DPPA2: variants seen among roughly 807,000 people sequenced by gnomAD.
The protein encoded by DPPA2 is developmental pluripotency-associated protein 2.
In DPPA2, 26 loss-of-function variants were observed where a neutral mutation model predicts 36.2. That is an observed-to-expected ratio of 0.72 (90% CI 0.53 to 1.00). The LOEUF (loss-of-function observed/expected upper bound fraction) is 1.00, where lower values mean the gene tolerates loss of function less well. DPPA2 is among the 50% of genes least tolerant of loss of function. The pLI, the probability that DPPA2 is intolerant of heterozygous loss-of-function variation, is 0.00. For missense variants in DPPA2, 361 were observed against 365.1 expected (o/e 0.99, Z 0.09); for synonymous variants, 113 against 123.2 (o/e 0.92, Z 0.55).
chr3:109,316,498 C>T lies in DPPA2; in HGVS notation c.-228G>A, dbSNP rs951043016. 3 of 152,256 alleles carry T rather than the reference C, an allele frequency of 2.0e-5. No homozygotes were observed. The highest frequency in any genetic ancestry group is 7.2e-5 in the African/African-American group (3 of 41,442). The allele number at this position is 152,256 out of a possible 1,614,324, so 9.4% of individuals were successfully genotyped here. A position where few individuals can be genotyped will look rare whatever the true frequency, so the allele number is the denominator to read the frequency against. On this transcript the variant is annotated 5_prime_UTR_variant, in exon 1 of 9. The change abolishes the stop of an existing upstream ORF in the 5' untranslated region. Transcript: ENST00000478945. The stretch of plus-strand genomic sequence containing the variant: ...TGAAGTCTAGAAGCCTTAGCTAGAT[C>T]AGGCCATAAACAAAGGGCTTTGGAG...
chr3:109,294,998 A>G, intron 8 of DPPA2, among the ~76,000 whole-genome samples: 1 of 152,048 alleles, frequency 6.6e-6, no homozygotes, highest in East Asian at 1.9e-4. Context: ...TCCAGCCTGG[A>G]CAACAAGAGC....
chr3:109,304,742 TC>T, intron 6 of DPPA2, 72 bp from the exon 7 acceptor site: 1 of 1,458,718 alleles, frequency 6.9e-7, no homozygotes, highest in South Asian at 1.4e-5. Context: ...AGCAAGTCAC[TC>T]TTGAATTTGC....
chr3:109,297,022 G>T (rs946346767), intron 8 of DPPA2, among the ~76,000 whole-genome samples: 2 of 152,146 alleles, frequency 1.3e-5, no homozygotes, highest in African/African-American at 4.8e-5. Flanking sequence ...AGAAGGTCAA[G>T]GCTGCAGTGC....
Position 109,297,887 on chromosome 3 carries a change from G to A in DPPA2, c.*22+2484C>T, listed in dbSNP as rs554988418. 2.0e-5 allele frequency among the ~76,000 whole-genome samples: 3 copies of A among 152,254 alleles called. No individual in the cohort carries two copies. The East Asian group carries it at 5.8e-4, about 30-fold the overall frequency. On this transcript the variant is annotated intron_variant, in intron 8 of 8. Transcript: ENST00000478945. The stretch of plus-strand genomic sequence containing the variant: ...TTTGGGAGGCTAAGGCAGAAGGACA[G>A]CTTGAGGCCAGAAGTTTGAGACCAA...
chr3:109,306,763 C>G (rs534784410), intron 6 of DPPA2, among the ~76,000 whole-genome samples: 1 of 150,760 alleles, frequency 6.6e-6, no homozygotes, highest in South Asian at 2.1e-4. Flanking sequence ...GTTGGGAGTT[C>G]GAGACCAGCC....
chr3:109,308,432 G>A lies in DPPA2; in HGVS notation c.397-139C>T, dbSNP rs140767380. 7.9e-3 allele frequency: 9,345 copies of A among 1,178,636 alleles called. 57 individuals carry two copies. The highest frequency in any genetic ancestry group is 9.7e-3 in the Non-Finnish European group (8,422 of 865,894). 73.0% of individuals were successfully genotyped at this position (1,178,636 alleles called of 1,614,324 possible). A position where few individuals can be genotyped will look rare whatever the true frequency, so the allele number is the denominator to read the frequency against. The stretch of plus-strand genomic sequence containing the variant: ...GGCTGGAGTGCAATGGCACGATCTC[G>A]GCTCACCGCAACCTCCGCCTCCCAG... On this transcript the variant is annotated intron_variant, in intron 5 of 8. Transcript: ENST00000478945.
At chr3:109,310,243 A>AG (rs1165307019) in intron 3 of DPPA2, among the ~76,000 whole-genome samples, 17 of 84,754 alleles carry the variant, frequency 2.0e-4, no homozygotes, top group Non-Finnish European at 4.5e-4. Flanking sequence ...AAAAAAAAAA[A>AG]AAAGAAAAAT....
chr3:109,308,205 C>G lies in DPPA2; in HGVS notation c.485G>C (p.Ser162Thr). The G allele has an allele frequency of 6.2e-7, 1 of 1,614,212 alleles. No individual in the cohort carries two copies. Among genetic ancestry groups the G allele is most frequent in the Non-Finnish European group, 8.5e-7 (1 of 1,180,040 alleles). The change falls in exon 6 of 9, where the codon AGT (serine) becomes ACT (threonine). Residue 162 changes from serine (S) to threonine (T), a missense_variant. Physicochemically the swap from Ser to Thr is moderately conservative, Grantham distance 58. Transcript: ENST00000478945. ...AVTKRARLQR[S>T]YEMNERAEET... is the part of the protein sequence containing the mutation. ...TTCTGCTCTCTCATTCATCTCATAA[C>G]TTCTCTGAAGCCTTGCTCTCTTGGT...
intron 7 of DPPA2, among the ~76,000 whole-genome samples, chr3:109,301,344 T>G (rs1037868584): frequency 6.6e-6 from 1 of 152,036 alleles, no homozygotes; most frequent in South Asian, 2.1e-4. Flanking sequence ...TAAATGCTTA[T>G]GGTTTTTTCA....
chr3:109,307,898 G>T, intron 6 of DPPA2, 134 bp downstream of exon 6: 1 of 1,179,842 alleles, frequency 8.5e-7, no homozygotes, highest in Non-Finnish European at 1.2e-6. Flanking sequence ...GAAGAAAGAT[G>T]TCCCATGTGA....
intron 8 of DPPA2, among the ~76,000 whole-genome samples, chr3:109,295,902 CAG>C (rs1177534400): frequency 2.6e-5 from 4 of 152,062 alleles, no homozygotes; most frequent in Non-Finnish European, 4.4e-5. Flanking sequence ...AAAATACTAA[CAG>C]AAATGAAAAC....
In DPPA2 at chr3:109,296,966, T is replaced by A. The variant is rs183497959; in HGVS notation, c.*23-2962A>T. Among the ~76,000 whole-genome samples the A allele has an allele frequency of 5.3e-5, 8 of 152,110 alleles. 1 individual carries two copies. The highest frequency in any genetic ancestry group is 5.2e-4 in the Admixed American group (8 of 15,252). On this transcript the variant is annotated intron_variant, in intron 8 of 8. Transcript: ENST00000478945. Reference sequence around the variant, plus strand: ...TTAGCCAGGCATGGTAATGTGCACCTGTAGTCCCAGTAGGATACTGAGGTG... The same window carrying A: ...TTAGCCAGGCATGGTAATGTGCACCAGTAGTCCCAGTAGGATACTGAGGTG...
chr3:109,312,478 A>G (rs1413138159), intron 3 of DPPA2, 67 bp downstream of exon 3: 6 of 1,539,886 alleles, frequency 3.9e-6, no homozygotes, highest in Non-Finnish European at 5.3e-6. Context: ...GGAAAGACAA[A>G]TCTTACTTTT....
intron 8 of DPPA2, among the ~76,000 whole-genome samples, chr3:109,299,086 A>G (rs1298490229): frequency 6.6e-6 from 1 of 151,798 alleles, no homozygotes; most frequent in African/African-American, 2.4e-5. Context: ...GAGGCCGGGC[A>G]CGGTGGCTCA....
intron 3 of DPPA2, among the ~76,000 whole-genome samples, chr3:109,311,147 C>T (rs776867927): frequency 6.6e-6 from 1 of 152,130 alleles, no homozygotes; most frequent in Non-Finnish European, 1.5e-5. Flanking sequence ...TTTTATGCTA[C>T]ATATAGCAGC....
chr3:109,307,430 CCT>C (rs1707596881), intron 6 of DPPA2, among the ~76,000 whole-genome samples: 1 of 151,504 alleles, frequency 6.6e-6, no homozygotes, highest in Non-Finnish European at 1.5e-5. Flanking sequence ...AGTGAAACCC[CCT>C]CTCTACTAAA....
At chr3:109,299,713 G>A (rs1576816025) in intron 8 of DPPA2, among the ~76,000 whole-genome samples, 4 of 142,486 alleles carry the variant, frequency 2.8e-5, no homozygotes, top group African/African-American at 1.0e-4. Flanking sequence ...AAAAGAAAAA[G>A]AAAAAGAAAA....
At chr3:109,313,560 A>G (rs572091046) in intron 2 of DPPA2, among the ~76,000 whole-genome samples, 20 of 152,348 alleles carry the variant, frequency 1.3e-4, no homozygotes, top group Middle Eastern at 3.4e-3. Flanking sequence ...TTTAATTCTC[A>G]TAGTATACTT....
chr3:109,299,752 A>AGT (rs1553693202), intron 8 of DPPA2, among the ~76,000 whole-genome samples: 2 of 48,810 alleles, frequency 4.1e-5, no homozygotes, highest in East Asian at 1.5e-3. Context: ...TTGACTCATT[A>AGT]GTTTTTTTTT....
Sources: allele counts gnomAD v4.1 joint callset (sites outside exome capture counted in the v4.1 genomes callset), GRCh38; gene constraint gnomAD v4.1.1; transcripts MANE v1.5; gene names NCBI Gene and HGNC (gene_info 2026-07-23, HGNC 2026-07-21).